AGAP1: variants seen among roughly 807,000 people sequenced by gnomAD.
The protein encoded by AGAP1 is ArfGAP with GTPase domain, ankyrin repeat and PH domain 1.
In AGAP1, 29 loss-of-function variants were observed where a neutral mutation model predicts 105.3. That is an observed-to-expected ratio of 0.28 (90% CI 0.21 to 0.38). AGAP1 has a LOEUF of 0.38. Ranked by LOEUF, AGAP1 falls within the 10% of genes least tolerant of loss-of-function variation. The pLI is 1.00. For missense variants in AGAP1, 998 were observed against 1,165.1 expected (o/e 0.86, Z 2.09); for synonymous variants, 509 against 485.9 (o/e 1.05, Z -0.63).
intron 6 of AGAP1, among the ~76,000 whole-genome samples, chr2:235,762,493 G>A (rs767227140): frequency 1.4e-4 from 21 of 152,182 alleles, no homozygotes; most frequent in Non-Finnish European, 2.9e-4. Context: ...GACGAGGAGA[G>A]CGATGCACTG....
intron 9 of AGAP1, among the ~76,000 whole-genome samples, chr2:235,881,858 T>C (rs1043797530): frequency 6.6e-6 from 1 of 152,256 alleles, no homozygotes; most frequent in Non-Finnish European, 1.5e-5. Context: ...AGGCTTAATA[T>C]GATTTCATTA....
intron 1 of AGAP1, among the ~76,000 whole-genome samples, chr2:235,594,883 G>GTTTTTTT (rs34386154): frequency 2.3e-4 from 25 of 109,890 alleles, no homozygotes; most frequent in African/African-American, 4.4e-4. Context: ...CCAGATTGCT[G>GTTTTTTT]TTTTTTTTTT....
Position 235,591,416 on chromosome 2 carries a change from A to G in AGAP1, c.163+96567A>G, listed in dbSNP as rs565279869. On this transcript the variant is annotated intron_variant, in intron 1 of 17. Transcript: ENST00000304032. ...CTGCCCGGGTCTTGGTGTGAAACGC[A>G]GTGGCCCTGGGCAGAATGCACAACA... 3.3e-5 allele frequency among the ~76,000 whole-genome samples: 5 copies of G among 152,308 alleles called. 1 individual carries two copies. Among genetic ancestry groups the G allele is most frequent in the African/African-American group, 1.2e-4 (5 of 41,554 alleles).
chr2:236,043,257 A>G (rs868532628), intron 15 of AGAP1, among the ~76,000 whole-genome samples: 3 of 152,220 alleles, frequency 2.0e-5, no homozygotes, highest in Non-Finnish European at 2.9e-5. Flanking sequence ...CTCCAGCTGT[A>G]TACTCCAGGA....
intron 1 of AGAP1, among the ~76,000 whole-genome samples, chr2:235,581,698 C>A (rs1944938940): frequency 6.6e-6 from 1 of 151,720 alleles, no homozygotes; most frequent in African/African-American, 2.4e-5. Context: ...CCCAGCTACT[C>A]AAGAGGCTGA....
chr2:235,960,260 A>G lies in AGAP1; in HGVS notation c.1484-8202A>G, dbSNP rs1189374362. 6.6e-6 allele frequency among the ~76,000 whole-genome samples: 1 copy of G among 152,170 alleles called. No homozygotes were observed. Among genetic ancestry groups the G allele is most frequent in the African/African-American group, 2.4e-5 (1 of 41,442 alleles). On this transcript the variant is annotated intron_variant, in intron 12 of 17. Transcript: ENST00000304032. This position sits in a 1 kb window ranked among gnomAD's most constrained non-coding sequence, Gnocchi z 4.9. ...TAGCCTCCTGAGGACGACTGCAAGGAGCTCATGAATGCTGGCCTGGCTTTC... is the reference window on the plus strand; with the variant it reads ...TAGCCTCCTGAGGACGACTGCAAGGGGCTCATGAATGCTGGCCTGGCTTTC...
rs1186495832 is a variant in AGAP1 at position 235,967,431 on chromosome 2, C to A, written c.1484-1031C>A. 6.6e-6 allele frequency among the ~76,000 whole-genome samples: 1 copy of A among 152,160 alleles called. No individual in the cohort carries two copies. Among genetic ancestry groups the A allele is most frequent in the Non-Finnish European group, 1.5e-5 (1 of 68,026 alleles). ...CTTCTGATGGACTCCAGGTTCTGGC[C>A]CGGCTGCCATGTCACTGCCACTCCA... On this transcript the variant is annotated intron_variant, in intron 12 of 17. Transcript: ENST00000304032. This position sits in a 1 kb window ranked among gnomAD's most constrained non-coding sequence, Gnocchi z 4.7.
intron 1 of AGAP1, among the ~76,000 whole-genome samples, chr2:235,699,410 AT>A (rs1950151141): frequency 7.2e-6 from 1 of 138,558 alleles, no homozygotes; most frequent in African/African-American, 2.7e-5. Flanking sequence ...GGCTGACTTT[AT>A]AACATTGGAG....
intron 1 of AGAP1, among the ~76,000 whole-genome samples, chr2:235,636,938 T>G (rs1266769577): frequency 6.6e-6 from 1 of 152,082 alleles, no homozygotes; most frequent in Non-Finnish European, 1.5e-5. Flanking sequence ...ATGCCAAGGA[T>G]AACCAGACAG....
At chr2:235,858,684 AG>A (rs1376006260) in intron 9 of AGAP1, among the ~76,000 whole-genome samples, 1 of 152,206 alleles carries the variant, frequency 6.6e-6, no homozygotes, top group Non-Finnish European at 1.5e-5. Context: ...CTTTGTCAAA[AG>A]TTATAATGTA....
In AGAP1 at chr2:235,750,243, T is replaced by G; in HGVS notation, c.539-111T>G. On this transcript the variant is annotated intron_variant, in intron 5 of 17. Transcript: ENST00000304032. This position sits in a 1 kb window ranked among gnomAD's most constrained non-coding sequence, Gnocchi z 5.3. ...GCTCTACAATTCCAGATTCATAAAC[T>G]AATTACATTTCTGCTGAGTAAGGTA... is the stretch of plus-strand genomic sequence containing the variant. 2 of 1,459,210 alleles carry G rather than the reference T, an allele frequency of 1.4e-6. No homozygotes were observed. Among genetic ancestry groups the G allele is most frequent in the South Asian group, 2.5e-5 (2 of 79,546 alleles). The allele number at this position is 1,459,210 out of a possible 1,614,324, so 90.4% of individuals were successfully genotyped here.
chr2:236,093,188 A>G (rs1156851499), intron 16 of AGAP1, among the ~76,000 whole-genome samples: 5 of 152,228 alleles, frequency 3.3e-5, no homozygotes, highest in African/African-American at 1.2e-4. Flanking sequence ...CATCAACTGA[A>G]GCTGCACCCC....
intron 1 of AGAP1, among the ~76,000 whole-genome samples, chr2:235,675,457 G>A (rs1575096430): frequency 6.6e-6 from 1 of 152,138 alleles, no homozygotes; most frequent in East Asian, 1.9e-4. Flanking sequence ...GGGATTACAA[G>A]CCTGAGCGAC....
intron 6 of AGAP1, among the ~76,000 whole-genome samples, chr2:235,764,105 C>T (rs150058589): frequency 6.6e-6 from 1 of 152,296 alleles, no homozygotes; most frequent in Non-Finnish European, 1.5e-5. Flanking sequence ...CGAACTTCCA[C>T]GGCAGAAGTG....
chr2:236,063,259 T>A (rs892640533), intron 16 of AGAP1, among the ~76,000 whole-genome samples: 33 of 152,110 alleles, frequency 2.2e-4, no homozygotes, highest in African/African-American at 8.0e-4. Context: ...ATGGCTAATT[T>A]TTGTATATTT....
intron 1 of AGAP1, among the ~76,000 whole-genome samples, chr2:235,501,537 T>C (rs184691185): frequency 3.1e-3 from 471 of 152,242 alleles, no homozygotes; most frequent in African/African-American, 0.01. Flanking sequence ...AGAGAAGCAG[T>C]GGGGGCAGCT....
At chr2:235,508,464 C>T (rs1941931325) in intron 1 of AGAP1, among the ~76,000 whole-genome samples, 2 of 152,156 alleles carry the variant, frequency 1.3e-5, no homozygotes. Context: ...CATTCACGCT[C>T]GGTTTTTTAC....
rs541873447 is a variant in AGAP1, at chr2:235,816,931, TTG to T, written c.1050+9602_1050+9603del. Reference sequence around the variant, plus strand: ...ACCAAGACCAAGACTCCTAAGGAAATTGTATCATTAAAGTCTTATTTCAGTTC... The same window carrying T: ...ACCAAGACCAAGACTCCTAAGGAAATTATCATTAAAGTCTTATTTCAGTTC... On this transcript the variant is annotated intron_variant, in intron 9 of 17. Transcript: ENST00000304032. Among the ~76,000 whole-genome samples, 28 of 151,984 alleles carry T rather than the reference TTG, an allele frequency of 1.8e-4. No homozygotes were observed. In the South Asian group the frequency reaches 5.8e-3, roughly 32 times the overall value.
chr2:235,638,486 C>A (rs781763087), intron 1 of AGAP1, among the ~76,000 whole-genome samples: 2 of 152,140 alleles, frequency 1.3e-5, no homozygotes, highest in East Asian at 3.9e-4. Context: ...ATCACAATGG[C>A]GATGGAAAAT....
Sources: gnomAD v4.1 joint callset for allele counts (sites outside exome capture counted in the v4.1 genomes callset) on GRCh38, gnomAD v4.1.1 for gene constraint, Gnocchi (gnomAD v3.1) non-coding constraint, MANE v1.5 for transcripts, NCBI Gene and HGNC (gene_info 2026-07-23, HGNC 2026-07-21) for gene names.